RBBP8: variants seen among roughly 807,000 people sequenced by gnomAD.
RBBP8 encodes the protein RB binding protein 8, endonuclease, also known as DNA endonuclease RBBP8.
A neutral mutation model predicts 108.3 loss-of-function variants in RBBP8; 88 were observed. That is an observed-to-expected ratio of 0.81 (90% CI 0.68 to 0.97). The LOEUF is 0.97. RBBP8 is among the 50% of genes least tolerant of loss of function. The pLI, the probability that RBBP8 is intolerant of heterozygous loss-of-function variation, is 0.00. For synonymous variants in RBBP8, 332 were observed against 348.2 expected (o/e 0.95, Z 0.52); for missense variants, 1,023 against 1,049.0 (o/e 0.98, Z 0.34).
At chr18:22,960,632 G>A (rs992202386) in intron 4 of RBBP8, among the ~76,000 whole-genome samples, 2 of 152,144 alleles carry the variant, frequency 1.3e-5, no homozygotes, top group African/African-American at 4.8e-5. Context: ...GTCTCGTTCA[G>A]TCATCCAAGC....
chr18:23,002,055 T>C (rs2045958284), intron 15 of RBBP8, among the ~76,000 whole-genome samples: 1 of 152,160 alleles, frequency 6.6e-6, no homozygotes, highest in Non-Finnish European at 1.5e-5. Flanking sequence ...ATTGATAAAA[T>C]TTTTGAGAAA....
Position 22,993,068 on chromosome 18 carries a change from A to C in RBBP8, c.1241A>C (p.Glu414Ala). The C allele has an allele frequency of 1.9e-6, 3 of 1,612,916 alleles. No homozygotes were observed. Among genetic ancestry groups the C allele is most frequent in the Non-Finnish European group, 2.5e-6 (3 of 1,179,014 alleles). Residue 414 changes from glutamate (E) to alanine (A), a missense_variant, in exon 11 of 19, where the codon GAA (glutamate) becomes GCA (alanine). Coordinates refer to ENST00000327155, the MANE Select transcript of RBBP8 (RefSeq NM_002894.3). ...ATACTTATAAATAAAAATATAAGTG[A>C]ATCCCTAGGTGAACAGAATAGGACT... ...KQILINKNIS[E>A]SLGEQNRTEY...
At chr18:22,919,525 C>T (rs1909498609) in intron 3 of RBBP8, among the ~76,000 whole-genome samples, 1 of 152,166 alleles carries the variant, frequency 6.6e-6, no homozygotes, top group African/African-American at 2.4e-5. Context: ...AGCATCATTT[C>T]ACCAATTTAG....
At chr18:23,011,640 C>CAT (rs1186063149) in intron 16 of RBBP8, among the ~76,000 whole-genome samples, 1 of 151,878 alleles carries the variant, frequency 6.6e-6, no homozygotes, top group Admixed American at 6.6e-5. Context: ...GGGGTTTCAC[C>CAT]ATGTTAGCCA....
Position 22,990,970 on chromosome 18 carries a change from G to A in RBBP8, c.841G>A (p.Glu281Lys). ...TQGPMSPLGD[E>K]LYHCLEGNHK... ...AGGTCCCATGAGCCCCCTTGGTGAT[G>A]AGCTCTACCACTGTCTGGAAGGAAA... is the stretch of plus-strand genomic sequence containing the variant. Residue 281 changes from glutamate to lysine, a missense_variant, in exon 10 of 19, where the codon GAG becomes AAG. By Grantham distance (56) the Glu-to-Lys change is moderately conservative. Coordinates refer to ENST00000327155, the MANE Select transcript of RBBP8 (RefSeq NM_002894.3). 1 of 1,613,738 alleles carries A rather than the reference G, an allele frequency of 6.2e-7. No homozygotes were observed. Among genetic ancestry groups the A allele is most frequent in the Non-Finnish European group, 8.5e-7 (1 of 1,179,764 alleles).
chr18:22,927,773 T>TG (rs1266053698), intron 3 of RBBP8, among the ~76,000 whole-genome samples: 1 of 151,926 alleles, frequency 6.6e-6, no homozygotes, highest in Non-Finnish European at 1.5e-5. Flanking sequence ...TGTGGCTCTG[T>TG]GGGATAGTTC....
chr18:22,945,357 CATTTT>C (rs1306752130), intron 2 of RBBP8, among the ~76,000 whole-genome samples: 1 of 151,982 alleles, frequency 6.6e-6, no homozygotes, highest in Non-Finnish European at 1.5e-5. Context: ...TAAATAACTT[CATTTT>C]ATTTTATTTT....
At chr18:22,930,898 A>T (rs1360891301), upstream of RBBP8, among the ~76,000 whole-genome samples, 1 of 152,114 alleles carries the variant, frequency 6.6e-6, no homozygotes. Context: ...CAGCCTCCAC[A>T]GTAACTAGAA....
At position 22,936,966 on chromosome 18, in the gene RBBP8, A is replaced by G. The variant is rs149189755; in HGVS notation, c.109+6A>G. The stretch of plus-strand genomic sequence containing the variant: ...TCATGATAGAGAAGTACAAGGTAAA[A>G]TCTTTTCTTAAATACTTACAGCAGT... On this transcript the variant is annotated splice_donor_region_variant and intron_variant, in intron 2 of 18. Coordinates refer to ENST00000327155, the MANE Select transcript of RBBP8 (RefSeq NM_002894.3). The G allele has an allele frequency of 1.6e-3, 2,542 of 1,613,832 alleles. 18 individuals are homozygous for G. The highest frequency in any genetic ancestry group is 0.013 in the South Asian group (1,220 of 91,082).
At chr18:22,937,848 G>A (rs997079764) in intron 2 of RBBP8, among the ~76,000 whole-genome samples, 2 of 150,300 alleles carry the variant, frequency 1.3e-5, no homozygotes, top group Non-Finnish European at 3.0e-5. Flanking sequence ...AATTTTCAGA[G>A]AGGTTCTCAC....
In RBBP8 at chr18:22,936,823, A is replaced by G; in HGVS notation, c.-29A>G. Reference sequence around the variant, plus strand: ...CAGAAAAGGTCAGAAAATATTAAGCAAGTAGAAGTGTGGAGCATATTAAGC... The same window carrying G: ...CAGAAAAGGTCAGAAAATATTAAGCGAGTAGAAGTGTGGAGCATATTAAGC... On this transcript the variant is annotated 5_prime_UTR_variant, in exon 2 of 19. Coordinates refer to ENST00000327155, the MANE Select transcript of RBBP8 (RefSeq NM_002894.3). 1 of 1,613,520 alleles carries G rather than the reference A, an allele frequency of 6.2e-7. No individual in the cohort carries two copies. Among genetic ancestry groups the G allele is most frequent in the Non-Finnish European group, 8.5e-7 (1 of 1,179,536 alleles).
At chr18:23,022,919 T>A (rs1488020929) in intron 18 of RBBP8, among the ~76,000 whole-genome samples, 3 of 151,544 alleles carry the variant, frequency 2.0e-5, no homozygotes, top group Non-Finnish European at 2.9e-5. Context: ...TTTTTTTTTT[T>A]ATAGGGCTTC....
At chr18:22,922,748 A>G (rs1006735650) in intron 3 of RBBP8, among the ~76,000 whole-genome samples, 2 of 152,222 alleles carry the variant, frequency 1.3e-5, no homozygotes, top group Admixed American at 1.3e-4. Context: ...TACAGGCATG[A>G]GCCGCCGCAC....
At chr18:22,952,062 TCTAC>T in intron 4 of RBBP8, among the ~76,000 whole-genome samples, 2 of 152,094 alleles carry the variant, frequency 1.3e-5, no homozygotes, top group Non-Finnish European at 2.9e-5. Context: ...GAACAGAAAG[TCTAC>T]TGTGGTTCTA....
intron 14 of RBBP8, 62 bp downstream of exon 14, chr18:22,997,796 C>T: frequency 2.6e-6 from 3 of 1,140,618 alleles, no homozygotes; most frequent in East Asian, 2.6e-5. Context: ...TGTAGTTGTA[C>T]CATTGCACTG....
rs780934404 is a variant in RBBP8, at chr18:22,984,976, A to G, written c.695A>G (p.Gln232Arg). 1.2e-6 allele frequency: 2 copies of G among 1,611,694 alleles called. No individual in the cohort carries two copies. Among genetic ancestry groups the G allele is most frequent in the Non-Finnish European group, 8.5e-7 (1 of 1,178,230 alleles). The change falls in exon 8 of 19, where the codon CAA becomes CGA. Residue 232 changes from glutamine (Q) to arginine (R), a missense_variant. Transcript: ENST00000327155. The part of the protein sequence containing the change: ...ILVADTYDQS[Q>R]SPMAKAHGTS... ...GTAGCTGACACTTATGACCAAAGTC[A>G]ATCTCCAATGGCCAGTAAGCAAGAT...
At chr18:23,015,511 C>CT (rs1189870068) in intron 16 of RBBP8, among the ~76,000 whole-genome samples, 2 of 151,928 alleles carry the variant, frequency 1.3e-5, no homozygotes, top group African/African-American at 4.8e-5. Context: ...ATTTTGAGGT[C>CT]TTATTCATAA....
chr18:23,008,091 C>T (rs1319172976), intron 16 of RBBP8, among the ~76,000 whole-genome samples: 1 of 152,112 alleles, frequency 6.6e-6, no homozygotes, highest in African/African-American at 2.4e-5. Context: ...GGATTACAGG[C>T]GTGAACCACC....
upstream of RBBP8, among the ~76,000 whole-genome samples, chr18:22,928,794 C>T (rs577868370): frequency 1.2e-4 from 19 of 152,034 alleles, no homozygotes; most frequent in Non-Finnish European, 1.2e-4. Flanking sequence ...CTCAGCCTCC[C>T]GAGTAGCTGG....
Sources: gnomAD v4.1 joint callset for allele counts (sites outside exome capture counted in the v4.1 genomes callset) on GRCh38, gnomAD v4.1.1 for gene constraint, MANE v1.5 for transcripts, NCBI Gene and HGNC (gene_info 2026-07-23, HGNC 2026-07-21) for gene names.